NRXN1: variants seen among roughly 807,000 people sequenced by gnomAD.
NRXN1 encodes neurexin 1, also known as neurexin-1.
A neutral mutation model predicts 150.9 loss-of-function variants in NRXN1; 39 were observed. The ratio of observed to expected loss-of-function variants is 0.26; its 90% confidence interval spans 0.20 to 0.34. NRXN1 has a LOEUF of 0.34. NRXN1 is among the 10% of genes least tolerant of loss of function. The pLI is 1.00. For synonymous variants in NRXN1, 924 were observed against 757.0 expected (o/e 1.22, Z -3.62); for missense variants, 1,815 against 1,949.9 (o/e 0.93, Z 1.30).
chr2:50,704,970 TAA>T (rs1694230772), intron 5 of NRXN1, among the ~76,000 whole-genome samples: 1 of 151,896 alleles, frequency 6.6e-6, no homozygotes, highest in Non-Finnish European at 1.5e-5. Flanking sequence ...TTTCAAGAAG[TAA>T]AATTACTTGC....
At chr2:51,009,782 G>A (rs537559485) in intron 2 of NRXN1, among the ~76,000 whole-genome samples, 4 of 151,818 alleles carry the variant, frequency 2.6e-5, no homozygotes, top group South Asian at 4.2e-4. Flanking sequence ...GATAACAACC[G>A]GAAAAAGTGT....
chr2:50,156,034 T>TATATA (rs1456288369), intron 18 of NRXN1, among the ~76,000 whole-genome samples: 1 of 151,768 alleles, frequency 6.6e-6, no homozygotes, highest in Non-Finnish European at 1.5e-5. Flanking sequence ...TATATATCAA[T>TATATA]ATGTTTTTAG....
intron 17 of NRXN1, among the ~76,000 whole-genome samples, chr2:50,240,980 G>A (rs1183208436): frequency 6.6e-6 from 1 of 151,518 alleles, no homozygotes; most frequent in Non-Finnish European, 1.5e-5. Flanking sequence ...TCAAAGTTAT[G>A]TCCAAATCAA....
intron 13 of NRXN1, among the ~76,000 whole-genome samples, chr2:50,504,062 A>T (rs1353793676): frequency 6.6e-6 from 1 of 150,944 alleles, no homozygotes; most frequent in Non-Finnish European, 1.5e-5. Flanking sequence ...ATATACTTCA[A>T]CAATGTTAAT....
At chr2:50,936,605 A>G (rs1258976969) in intron 2 of NRXN1, among the ~76,000 whole-genome samples, 1 of 152,176 alleles carries the variant, frequency 6.6e-6, no homozygotes, top group Non-Finnish European at 1.5e-5. Context: ...TATGCTCAAA[A>G]TGTGTAATAT....
chr2:50,347,087 T>A lies in NRXN1; in HGVS notation c.3365-110117A>T, dbSNP rs201266326. On this transcript the variant is annotated intron_variant, in intron 17 of 22. Transcript: ENST00000401669. The surrounding 1 kb of genome is among the most constrained non-coding windows in gnomAD (Gnocchi z 4.9). ...TCACCGCGCCAGGGCACCCATCCTC[T>A]CCCTCCTTCGGACAGTCTTCTCGGG... 41 of 1,383,502 alleles carry A rather than the reference T, an allele frequency of 3.0e-5. No individual in the cohort carries two copies. Among genetic ancestry groups the A allele is most frequent in the Non-Finnish European group, 2.8e-5 (30 of 1,053,194 alleles). The allele number at this position is 1,383,502 out of a possible 1,614,324, so 85.7% of individuals were successfully genotyped here.
chr2:50,593,934 T>A (rs924478241), intron 8 of NRXN1, among the ~76,000 whole-genome samples: 1 of 152,186 alleles, frequency 6.6e-6, no homozygotes, highest in Non-Finnish European at 1.5e-5. Context: ...GTAAAAATTG[T>A]AAAAAAGAAA....
Position 50,091,453 on chromosome 2 carries a change from A to G in NRXN1, c.3588T>C (p.Asp1196=). ...CATTGGATTCTTCAATGGCGATGTC[A>G]TCTGTCCCAACATTAAACTTAACTC... The part of the protein sequence containing the change: ...KIGVKFNVGT[D]DIAIEESNAI... Residue 1196 remains aspartate (D), a synonymous_variant, in exon 19 of 23, where the codon GAT becomes GAC. Coordinates refer to ENST00000401669, the MANE Select transcript of NRXN1 (RefSeq NM_001330078.2). 6.2e-7 allele frequency: 1 copy of G among 1,614,200 alleles called. No individual in the cohort carries two copies. The highest frequency in any genetic ancestry group is 8.5e-7 in the Non-Finnish European group (1 of 1,180,036).
intron 19 of NRXN1, among the ~76,000 whole-genome samples, chr2:50,066,837 A>G (rs147030379): frequency 0.012 from 1,846 of 152,282 alleles, 20 homozygotes; most frequent in Non-Finnish European, 0.02. Context: ...TCAAACTTCA[A>G]TTTTATATTA....
intron 21 of NRXN1, among the ~76,000 whole-genome samples, chr2:49,949,075 G>C (rs10166360): frequency 0.83 from 125,879 of 151,936 alleles, 52,631 homozygotes; most frequent in African/African-American, 0.93. Context: ...AATAAAGGCT[G>C]TAAAACTTAA....
intron 17 of NRXN1, among the ~76,000 whole-genome samples, chr2:50,404,941 T>C (rs78292387): frequency 0.016 from 2,402 of 152,184 alleles, 68 homozygotes; most frequent in African/African-American, 0.054. Flanking sequence ...TCTTAGGCTC[T>C]TTATATTGAC....
chr2:50,478,371 A>T (rs1175979887), intron 15 of NRXN1, among the ~76,000 whole-genome samples: 2 of 152,206 alleles, frequency 1.3e-5, no homozygotes, highest in Non-Finnish European at 2.9e-5. Flanking sequence ...TGAACAATGA[A>T]AACTATACAA....
At chr2:51,023,941 T>C (rs779249704) in intron 2 of NRXN1, among the ~76,000 whole-genome samples, 2 of 152,102 alleles carry the variant, frequency 1.3e-5, no homozygotes, top group Admixed American at 6.5e-5. Flanking sequence ...GCCATTTAAA[T>C]AGAGAACATG....
At chr2:50,557,213 T>C (rs1427080841) in intron 8 of NRXN1, among the ~76,000 whole-genome samples, 1 of 152,158 alleles carries the variant, frequency 6.6e-6, no homozygotes, top group Non-Finnish European at 1.5e-5. Flanking sequence ...AGTGTGAAAA[T>C]ATTTGCCACT....
At chr2:50,246,852 T>A (rs983548188) in intron 17 of NRXN1, among the ~76,000 whole-genome samples, 10 of 152,232 alleles carry the variant, frequency 6.6e-5, no homozygotes, top group African/African-American at 2.4e-4. Flanking sequence ...AATTGTCTTT[T>A]ATTGAAATAT....
intron 17 of NRXN1, among the ~76,000 whole-genome samples, chr2:50,261,154 C>A (rs1429418596): frequency 6.6e-6 from 1 of 151,764 alleles, no homozygotes; most frequent in South Asian, 2.1e-4. Context: ...AGCATTTACA[C>A]TGTAGAAGCC....
At chr2:50,646,164 G>A (rs755660924) in intron 5 of NRXN1, among the ~76,000 whole-genome samples, 3 of 151,838 alleles carry the variant, frequency 2.0e-5, no homozygotes, top group Admixed American at 6.6e-5. Context: ...TATACTATTA[G>A]GTTGGTGCAA....
intron 19 of NRXN1, among the ~76,000 whole-genome samples, chr2:50,055,308 C>A (rs867536476): frequency 6.6e-6 from 1 of 152,142 alleles, no homozygotes; most frequent in African/African-American, 2.4e-5. Context: ...TAGACAGACC[C>A]GAACAACCAA....
chr2:50,780,175 A>C (rs2105509904), intron 5 of NRXN1, among the ~76,000 whole-genome samples: 1 of 152,278 alleles, frequency 6.6e-6, no homozygotes, highest in Non-Finnish European at 1.5e-5. Flanking sequence ...TCTTTTGATA[A>C]GTGTCCGTTT....
Sources: gnomAD v4.1 joint callset for allele counts (sites outside exome capture counted in the v4.1 genomes callset) on GRCh38, gnomAD v4.1.1 for gene constraint, Gnocchi (gnomAD v3.1) non-coding constraint, MANE v1.5 for transcripts, NCBI Gene and HGNC (gene_info 2026-07-23, HGNC 2026-07-21) for gene names.